Variants in CHD9 observed in about 807,000 individuals in gnomAD.
The protein encoded by CHD9 is chromodomain helicase DNA binding protein 9, also known as ATP-dependent chromatin remodeler CHD9.
A neutral mutation model predicts 316.1 loss-of-function variants in CHD9; 77 were observed. The observed-to-expected ratio is 0.24, with a 90% CI of 0.20 to 0.29. The LOEUF (loss-of-function observed/expected upper bound fraction) is 0.29, where lower values mean the gene tolerates loss of function less well. CHD9 is among the 10% of genes least tolerant of loss of function. CHD9 has a pLI of 1.00. For missense variants in CHD9, 2,763 were observed against 3,438.1 expected, an observed-to-expected ratio of 0.80 and a Z score of 4.91; for synonymous variants, 1,129 against 1,158.3, an observed-to-expected ratio of 0.97 and a Z score of 0.51.
At position 53,263,066 on chromosome 16, in the gene CHD9, C is replaced by T; in HGVS notation, c.4289C>T (p.Ala1430Val). Residue 1430 changes from alanine (A) to valine (V), a missense_variant, in exon 20 of 39, where the codon GCA becomes GTA. Coordinates refer to ENST00000447540, the MANE Select transcript of CHD9 (RefSeq NM_001308319.2). The stretch of plus-strand genomic sequence containing the variant: ...TTCTGGCAAAAATGGGCTAAAAAGG[C>T]AGAAATAGATATAGAGGCCATCAGT... ...PNFWQKWAKK[A>V]EIDIEAISGR... is the part of the protein sequence containing the mutation. 1 of 1,612,430 alleles carries T rather than the reference C, an allele frequency of 6.2e-7. No homozygotes were observed. The highest frequency in any genetic ancestry group is 8.5e-7 in the Non-Finnish European group (1 of 1,179,004).
At chr16:53,243,093 A>C in intron 13 of CHD9, 77 bp downstream of exon 13, 4 of 1,084,752 alleles carry the variant, frequency 3.7e-6, no homozygotes, top group Non-Finnish European at 2.6e-6. Context: ...TTAATGCTAA[A>C]AATTTTTCTT....
intron 11 of CHD9, among the ~76,000 whole-genome samples, chr16:53,235,953 T>G (rs975414283): frequency 1.3e-5 from 2 of 152,088 alleles, no homozygotes; most frequent in Non-Finnish European, 2.9e-5. Flanking sequence ...AATAGCAAAA[T>G]TTGATGATAC....
Position 53,247,314 on chromosome 16 carries a change from G to A in CHD9, c.3476G>A (p.Gly1159Glu). The A allele has an allele frequency of 1.2e-6, 2 of 1,600,762 alleles. No homozygotes were observed. The highest frequency in any genetic ancestry group is 1.7e-6 in the Non-Finnish European group (2 of 1,172,716). ...LIKGAEEKILGEFRDTYNPAA... is the reference protein window; with the variant it reads ...LIKGAEEKILEEFRDTYNPAA... ...ACAGGTGCTGAGGAGAAAATACTTG[G>A]AGAATTTAGAGATACTTACAATCCA... Residue 1159 changes from glycine to glutamate, a missense_variant, in exon 16 of 39, where the codon GGA becomes GAA. Physicochemically the swap from Gly to Glu is moderately conservative, Grantham distance 98 (BLOSUM62 -2). Coordinates refer to ENST00000447540, the MANE Select transcript of CHD9 (RefSeq NM_001308319.2).
chr16:53,199,448 C>A (rs2152843973), intron 2 of CHD9, among the ~76,000 whole-genome samples: 1 of 152,092 alleles, frequency 6.6e-6, no homozygotes, highest in Middle Eastern at 3.4e-3. Context: ...TACTTAAAGT[C>A]ATGTTTTAAA....
chr16:53,155,301 C>G (rs950426311), intron 1 of CHD9, among the ~76,000 whole-genome samples: 1 of 151,652 alleles, frequency 6.6e-6, no homozygotes, highest in Admixed American at 6.6e-5. Flanking sequence ...TGGCTCACTG[C>G]AGCCTCAACC....
At chr16:53,064,795 GA>G (rs1227679908) in intron 1 of CHD9, among the ~76,000 whole-genome samples, 1 of 152,168 alleles carries the variant, frequency 6.6e-6, no homozygotes, top group Admixed American at 6.5e-5. Flanking sequence ...CCAACATGGT[GA>G]AACCCCGTCT....
intron 31 of CHD9, among the ~76,000 whole-genome samples, chr16:53,305,319 C>T (rs2055860954): frequency 6.6e-6 from 1 of 152,292 alleles, no homozygotes; most frequent in South Asian, 2.1e-4. Context: ...CCTTAGCCTC[C>T]CAAAGTGCTG....
At chr16:53,105,999 T>G (rs2037317409) in intron 1 of CHD9, among the ~76,000 whole-genome samples, 1 of 152,118 alleles carries the variant, frequency 6.6e-6, no homozygotes, top group African/African-American at 2.4e-5. Flanking sequence ...ATTTTTTGTA[T>G]CTTTAGTAGA....
At chr16:53,199,736 G>A (rs1323738435) in intron 2 of CHD9, among the ~76,000 whole-genome samples, 1 of 152,106 alleles carries the variant, frequency 6.6e-6, no homozygotes, top group African/African-American at 2.4e-5. Flanking sequence ...ACTGTAGTGT[G>A]GCTTCCATCT....
At chr16:53,180,334 A>G (rs2043406407) in intron 2 of CHD9, among the ~76,000 whole-genome samples, 1 of 152,032 alleles carries the variant, frequency 6.6e-6, no homozygotes, top group Admixed American at 6.6e-5. Flanking sequence ...TGCTTTCCCA[A>G]TTTAGTTTTT....
rs1460441306 is a variant in CHD9 at position 53,324,529 on chromosome 16, A to T, written c.8328A>T (p.Thr2776=). 1.2e-6 allele frequency: 2 copies of T among 1,613,786 alleles called. No homozygotes were observed. Among genetic ancestry groups the T allele is most frequent in the Non-Finnish European group, 1.7e-6 (2 of 1,179,862 alleles). The change falls in exon 39 of 39, where the codon ACA becomes ACT. Residue 2776 remains threonine (T), a synonymous_variant. Coordinates refer to ENST00000447540, the MANE Select transcript of CHD9 (RefSeq NM_001308319.2). ...GENSVSSSPS[T]SSTAALNTAA... is the part of the protein sequence containing the mutation. ...ACTCTGTGTCAAGTTCTCCTTCCAC[A>T]TCCTCTACTGCTGCATTAAATACAG...
At chr16:53,229,186 T>A in intron 8 of CHD9, 86 bp downstream of exon 8, 1 of 626,350 alleles carries the variant, frequency 1.6e-6, no homozygotes, top group African/African-American at 1.8e-5. Flanking sequence ...TTATTTTAAT[T>A]CTTAGACTTC....
At chr16:53,076,608 A>G (rs2034549878) in intron 1 of CHD9, among the ~76,000 whole-genome samples, 1 of 151,360 alleles carries the variant, frequency 6.6e-6, no homozygotes, top group Non-Finnish European at 1.5e-5. Flanking sequence ...AAGAAAAAAT[A>G]TATATATATG....
At chr16:53,105,221 G>A (rs11647482) in intron 1 of CHD9, among the ~76,000 whole-genome samples, 42,347 of 151,946 alleles carry the variant, frequency 0.28, 7,341 homozygotes, top group Non-Finnish European at 0.39. Flanking sequence ...ATATAGTGAG[G>A]TGTCTCCCCC....
chr16:53,103,714 AAGTT>A (rs1427851911), intron 1 of CHD9, among the ~76,000 whole-genome samples: 1 of 152,136 alleles, frequency 6.6e-6, no homozygotes, highest in East Asian at 1.9e-4. Flanking sequence ...GAAAACTTCA[AAGTT>A]ATCCTCAACA....
chr16:53,278,472 C>A (rs113125911), intron 24 of CHD9, among the ~76,000 whole-genome samples: 4,931 of 152,210 alleles, frequency 0.032, 99 homozygotes, highest in Middle Eastern at 0.071. Context: ...GCCAACTGAT[C>A]TTCAACAAAG....
At chr16:53,056,964 A>G (rs773013096) in intron 1 of CHD9, among the ~76,000 whole-genome samples, 1 of 151,972 alleles carries the variant, frequency 6.6e-6, no homozygotes, top group South Asian at 2.1e-4. Context: ...CCTGTGCAAC[A>G]GAGCAAGGCC....
intron 26 of CHD9, among the ~76,000 whole-genome samples, chr16:53,287,148 T>C (rs2053947878): frequency 6.6e-6 from 1 of 152,258 alleles, no homozygotes; most frequent in South Asian, 2.1e-4. Context: ...TTATTTTTTG[T>C]AGAGATGAGG....
At chr16:53,107,426 C>T (rs1239313501) in intron 1 of CHD9, among the ~76,000 whole-genome samples, 1 of 150,518 alleles carries the variant, frequency 6.6e-6, no homozygotes, top group Non-Finnish European at 1.5e-5. Flanking sequence ...CACCACTGCA[C>T]TCCAGCCTGG....
Sources: allele counts gnomAD v4.1 joint callset (sites outside exome capture counted in the v4.1 genomes callset), GRCh38; gene constraint gnomAD v4.1.1; transcripts MANE v1.5; gene names NCBI Gene and HGNC (gene_info 2026-07-23, HGNC 2026-07-21).